The following UBXN7 variants were observed in gnomAD, a reference collection of about 807,000 sequenced individuals.
UBXN7 encodes the protein UBX domain-containing protein 7.
In UBXN7, 9 loss-of-function variants were observed where a neutral mutation model predicts 58.0. That is an observed-to-expected ratio of 0.16 (90% CI 0.09 to 0.27). The LOEUF is 0.27. Among genes scored for constraint, UBXN7 ranks in the 10% least tolerant of loss-of-function variants. The pLI, the probability that UBXN7 is intolerant of heterozygous loss-of-function variation, is 1.00. For synonymous variants in UBXN7, 208 were observed against 205.0 expected (o/e 1.01, Z -0.12); for missense variants, 328 against 599.6 (o/e 0.55, Z 4.73).
Position 196,392,764 on chromosome 3 carries a change from C to T in UBXN7, c.355+790G>A, listed in dbSNP as rs191760983. 1.3e-3 allele frequency among the ~76,000 whole-genome samples: 191 copies of T among 152,246 alleles called. 3 individuals carry two copies. Among genetic ancestry groups the T allele is most frequent in the African/African-American group, 4.4e-3 (181 of 41,538 alleles). On this transcript the variant is annotated intron_variant, in intron 4 of 10. Transcript: ENST00000296328. ...GTTGCAGTAAGCTGAGATCATGCCACTGCACTCCAGCCTGGGTGACAGAGC... is the reference window on the plus strand; with the variant it reads ...GTTGCAGTAAGCTGAGATCATGCCATTGCACTCCAGCCTGGGTGACAGAGC...
At chr3:196,376,341 G>A (rs1244769447) in intron 5 of UBXN7, among the ~76,000 whole-genome samples, 2 of 151,606 alleles carry the variant, frequency 1.3e-5, no homozygotes, top group African/African-American at 2.4e-5. Context: ...TCAGGAGTTC[G>A]AGACCAGCTT....
rs35766312 is a variant in UBXN7, at chr3:196,401,248, C to CAAAAAAAAAAA, written c.289+1693_289+1703dup. Among the ~76,000 whole-genome samples, 2 of 2,274 alleles carry CAAAAAAAAAAA rather than the reference C, an allele frequency of 8.8e-4. 1 individual carries two copies. The highest frequency in any genetic ancestry group is 3.0e-3 in the African/African-American group (2 of 660). 1.5% of individuals were successfully genotyped at this position (2,274 alleles called of 152,430 possible). ...CTAACATGGAGAAACCCCGTCTCTC[C>CAAAAAAAAAAA]AAAAAAAAAAAAAAAAAAAAAAAAA... On this transcript the variant is annotated intron_variant, in intron 3 of 10. Coordinates refer to ENST00000296328, the MANE Select transcript of UBXN7 (RefSeq NM_015562.2).
rs1728514229 is a variant in UBXN7, at chr3:196,361,886, T to C, written c.1266A>G (p.Gly422=). 5.6e-6 allele frequency: 9 copies of C among 1,613,416 alleles called. No individual in the cohort carries two copies. Among genetic ancestry groups the C allele is most frequent in the South Asian group, 1.1e-5 (1 of 91,050 alleles). Residue 422 remains glycine (G), a synonymous_variant, in exon 10 of 11, where the codon GGA becomes GGG. Coordinates refer to ENST00000296328, the MANE Select transcript of UBXN7 (RefSeq NM_015562.2). Reference sequence around the variant, plus strand: ...CTGGAAGAGTGATCTGTTCCCTTTTTCCATCTGGATACCGCAACATCAGCT... The same window carrying C: ...CTGGAAGAGTGATCTGTTCCCTTTTCCCATCTGGATACCGCAACATCAGCT... ...KAQLMLRYPD[G]KREQITLPEQ...
rs201501919 is a variant in UBXN7 at position 196,356,637 on chromosome 3, C to T, written c.*48G>A. The T allele has an allele frequency of 6.5e-7, 1 of 1,545,122 alleles. No individual in the cohort carries two copies. The highest frequency in any genetic ancestry group is 2.3e-5 in the Admixed American group (1 of 43,230). On this transcript the variant is annotated 3_prime_UTR_variant, in exon 11 of 11. Coordinates refer to ENST00000296328, the MANE Select transcript of UBXN7 (RefSeq NM_015562.2). ...TGCATACTTAGTGACATGTATCTCA[C>T]AGGAAAAGGGAAAAAAGGGGTAAGC...
In UBXN7 at chr3:196,409,663, A is replaced by G. The variant is rs75808404; in HGVS notation, c.74-2270T>C. Among the ~76,000 whole-genome samples, 999 of 152,246 alleles carry G rather than the reference A, an allele frequency of 6.6e-3. 7 individuals carry two copies. Among genetic ancestry groups the G allele is most frequent in the Non-Finnish European group, 1.0e-2 (677 of 68,006 alleles). ...ATGTGACTGTAACAATCTTTGTTAT[A>G]AATTCTCTGTGAAGATGTTCATCTC... On this transcript the variant is annotated intron_variant, in intron 1 of 10. Coordinates refer to ENST00000296328, the MANE Select transcript of UBXN7 (RefSeq NM_015562.2).
rs201977268 is a variant in UBXN7, at chr3:196,407,331, C to T, written c.136G>A (p.Val46Ile). 8.1e-5 allele frequency: 131 copies of T among 1,613,644 alleles called. No individual in the cohort carries two copies. Among genetic ancestry groups the T allele is most frequent in the Non-Finnish European group, 1.1e-4 (126 of 1,179,998 alleles). Residue 46 changes from valine (V) to isoleucine (I), a missense_variant, in exon 2 of 11, where the codon GTC becomes ATC. By Grantham distance (29) the Val-to-Ile change is conservative. This residue lies in a region of UBXN7 where 106 missense variants were observed against 124.3 expected (regional missense o/e 0.85). Transcript: ENST00000296328. ...CCTCCACCATCCAAAAACATAGTGA[C>T]TGCCATTTCCAGATTATTGTTGCAC... is the stretch of plus-strand genomic sequence containing the variant. Reference protein sequence around the residue: ...EACNNNLEMAVTMFLDGGGIA... With the variant: ...EACNNNLEMAITMFLDGGGIA...
At chr3:196,387,088 A>C (rs1031098721) in intron 5 of UBXN7, among the ~76,000 whole-genome samples, 12 of 152,176 alleles carry the variant, frequency 7.9e-5, no homozygotes, top group Non-Finnish European at 1.6e-4. Flanking sequence ...ACCAAAACAG[A>C]TATACAGACC....
chr3:196,415,780 CAA>C (rs570503579), intron 1 of UBXN7, among the ~76,000 whole-genome samples: 2 of 138,194 alleles, frequency 1.4e-5, no homozygotes, highest in Non-Finnish European at 1.6e-5. Flanking sequence ...GACTTCATCT[CAA>C]AAAAAAAAAA....
chr3:196,432,157 C>T (rs1336184481), intron 1 of UBXN7, 170 bp downstream of exon 1: 2 of 896,862 alleles, frequency 2.2e-6, no homozygotes, highest in African/African-American at 1.6e-5. Context: ...GGCTGTCTCC[C>T]GCCTGAACCC....
At chr3:196,386,651 A>C (rs1216361178) in intron 5 of UBXN7, among the ~76,000 whole-genome samples, 2 of 152,218 alleles carry the variant, frequency 1.3e-5, no homozygotes, top group Non-Finnish European at 2.9e-5. Flanking sequence ...AATCCAACTT[A>C]CAAGGGATGT....
intron 6 of UBXN7, 49 bp from the exon 7 acceptor site, chr3:196,369,560 C>G: frequency 7.3e-7 from 1 of 1,362,570 alleles, no homozygotes; most frequent in Non-Finnish European, 1.0e-6. Flanking sequence ...AAGAAAAGAA[C>G]CAACTATAAC....
chr3:196,396,106 T>C (rs908229117), intron 3 of UBXN7, among the ~76,000 whole-genome samples: 37 of 150,462 alleles, frequency 2.5e-4, no homozygotes, highest in African/African-American at 8.7e-4. Context: ...CCTGTGTCGC[T>C]CTCTACCTTC....
chr3:196,418,250 A>G (rs1054569029), intron 1 of UBXN7, among the ~76,000 whole-genome samples: 1 of 150,340 alleles, frequency 6.7e-6, no homozygotes, highest in East Asian at 2.0e-4. Context: ...AGAAAGGAAG[A>G]AAAGAAGGAA....
rs896234846 is a variant in UBXN7 at position 196,353,314 on chromosome 3, G to A, written c.*3371C>T. 1 of 152,110 alleles carries A rather than the reference G, an allele frequency of 6.6e-6. No individual in the cohort carries two copies. The highest frequency in any genetic ancestry group is 2.4e-5 in the African/African-American group (1 of 41,404). The allele number at this position is 152,110 out of a possible 1,614,324, so 9.4% of individuals were successfully genotyped here. On this transcript the variant is annotated 3_prime_UTR_variant, in exon 11 of 11. Transcript: ENST00000296328. ...AGTATACATTTTGTACGATTCTTCG[G>A]GAGATTGAAGAGGCAAATGTACACA...
chr3:196,423,821 C>T (rs1730761609), intron 1 of UBXN7, among the ~76,000 whole-genome samples: 1 of 151,784 alleles, frequency 6.6e-6, no homozygotes, highest in Admixed American at 6.6e-5. Context: ...CATCTTGAAG[C>T]TAATTGTGTT....
chr3:196,429,679 C>A (rs1053443119), intron 1 of UBXN7, among the ~76,000 whole-genome samples: 1 of 151,916 alleles, frequency 6.6e-6, no homozygotes, highest in Admixed American at 6.6e-5. Flanking sequence ...GAGAGAACCC[C>A]AAAAAAATTT....
At chr3:196,401,768 TAA>T (rs1204342911) in intron 3 of UBXN7, among the ~76,000 whole-genome samples, 3 of 117,494 alleles carry the variant, frequency 2.6e-5, no homozygotes, top group African/African-American at 7.0e-5. Flanking sequence ...ATCTCTATTT[TAA>T]AAAAAAAAAA....
intron 1 of UBXN7, chr3:196,431,986 G>A: frequency 4.2e-6 from 2 of 481,776 alleles, no homozygotes; most frequent in South Asian, 2.0e-5. Context: ...GGAGGAGGGC[G>A]GTGGCCCGGG....
At chr3:196,404,405 G>A (rs1730093730) in intron 2 of UBXN7, among the ~76,000 whole-genome samples, 1 of 151,966 alleles carries the variant, frequency 6.6e-6, no homozygotes, top group Admixed American at 6.6e-5. Flanking sequence ...TGGGACTACA[G>A]GCGCACGCCA....
Sources: allele counts gnomAD v4.1 joint callset (sites outside exome capture counted in the v4.1 genomes callset), GRCh38; gene constraint gnomAD v4.1.1; regional missense constraint gnomAD v4.1.1; transcripts MANE v1.5; gene names NCBI Gene and HGNC (gene_info 2026-07-23, HGNC 2026-07-21).